Variants in KAZN observed in about 807,000 individuals in gnomAD.
KAZN encodes the protein kazrin.
A neutral mutation model predicts 87.4 loss-of-function variants in KAZN; 40 were observed. The observed-to-expected ratio is 0.46, with a 90% CI of 0.36 to 0.60. KAZN has a LOEUF of 0.60. KAZN is among the 20% of genes least tolerant of loss of function. The pLI, the probability that KAZN is intolerant of heterozygous loss-of-function variation, is 0.00. For synonymous variants in KAZN, 466 were observed against 458.3 expected, an observed-to-expected ratio of 1.02 and a Z score of -0.22; for missense variants, 898 against 1,073.9, an observed-to-expected ratio of 0.84 and a Z score of 2.29.
chr1:14,632,144 A>G (rs958648658), intron 1 of KAZN, among the ~76,000 whole-genome samples: 12 of 152,188 alleles, frequency 7.9e-5, no homozygotes, highest in African/African-American at 1.2e-4. Flanking sequence ...CTTATCGTGT[A>G]CAGGTACACC....
chr1:14,528,897 C>A lies in KAZN; in HGVS notation c.250-70086C>A, dbSNP rs542789696. 3.7e-4 allele frequency among the ~76,000 whole-genome samples: 56 copies of A among 152,264 alleles called. 3 individuals are homozygous for A. Among genetic ancestry groups the A allele is most frequent in the Admixed American group, 3.3e-3 (50 of 15,292 alleles). On this transcript the variant is annotated intron_variant, in intron 2 of 16. Transcript: ENST00000636203. ...CTCCACTTTATTCATGTCCCTCTCG[C>A]AGCCTCATTCCACGTGCAAAACAGG...
At chr1:14,344,956 T>C (rs1490302878) in intron 2 of KAZN, among the ~76,000 whole-genome samples, 1 of 150,276 alleles carries the variant, frequency 6.7e-6, no homozygotes, top group East Asian at 2.0e-4. Context: ...ACTGGTTCTG[T>C]CGCCCAGGCT....
intron 1 of KAZN, among the ~76,000 whole-genome samples, chr1:14,689,224 C>T (rs1363423605): frequency 6.6e-6 from 1 of 151,806 alleles, no homozygotes; most frequent in African/African-American, 2.4e-5. Flanking sequence ...CAAAACAAAA[C>T]AAAACAAAAC....
intron 1 of KAZN, among the ~76,000 whole-genome samples, chr1:14,128,463 GA>G (rs930191752): frequency 4.6e-5 from 7 of 152,124 alleles, no homozygotes; most frequent in African/African-American, 1.4e-4. Flanking sequence ...GACACTTGCA[GA>G]GGGGTGGTTG....
intron 8 of KAZN, among the ~76,000 whole-genome samples, chr1:15,079,500 T>C (rs1639900522): frequency 6.6e-6 from 1 of 152,092 alleles, no homozygotes; most frequent in South Asian, 2.1e-4. Flanking sequence ...TACTAAACAA[T>C]GTGAAAGTGG....
chr1:13,943,773 C>A (rs1223119829), intron 1 of KAZN, among the ~76,000 whole-genome samples: 3 of 151,922 alleles, frequency 2.0e-5, no homozygotes, highest in African/African-American at 4.8e-5. Context: ...GGCTAATAAG[C>A]CCATGAAAAG....
At chr1:14,963,472 G>A (rs562575608) in intron 2 of KAZN, among the ~76,000 whole-genome samples, 2 of 152,144 alleles carry the variant, frequency 1.3e-5, no homozygotes, top group Non-Finnish European at 2.9e-5. Context: ...GGGTATGGTC[G>A]CAGGGAAGGA....
chr1:14,956,841 T>C (rs1157732231), intron 1 of KAZN, among the ~76,000 whole-genome samples: 2 of 152,080 alleles, frequency 1.3e-5, no homozygotes, highest in African/African-American at 4.8e-5. Context: ...GAGGGGTGGT[T>C]GGGGCTGAGG....
intron 2 of KAZN, among the ~76,000 whole-genome samples, chr1:15,029,656 G>T (rs761392098): frequency 6.6e-6 from 1 of 152,196 alleles, no homozygotes; most frequent in Non-Finnish European, 1.5e-5. Context: ...TGAGGTGCTG[G>T]GGGGGTTCCC....
rs192618895 is a variant in KAZN, at chr1:14,064,217, C to G, written c.92-116218C>G. On this transcript the variant is annotated intron_variant, in intron 1 of 16. Transcript: ENST00000636203. ...AGAGTGTCTTCAACTACATGCTGCC[C>G]TTGTGTTTACATTGCCAGAAGAGAG... Among the ~76,000 whole-genome samples the G allele has an allele frequency of 3.0e-4, 45 of 152,292 alleles. No individual in the cohort carries two copies. In the East Asian group the frequency reaches 8.7e-3, roughly 29 times the overall value.
At chr1:14,515,072 GTTC>G (rs1446270367) in intron 2 of KAZN, among the ~76,000 whole-genome samples, 3 of 151,976 alleles carry the variant, frequency 2.0e-5, no homozygotes, top group East Asian at 3.9e-4. Flanking sequence ...CATGTACCCA[GTTC>G]TTCTAGAATG....
At chr1:14,881,224 G>A (rs554539558) in intron 1 of KAZN, among the ~76,000 whole-genome samples, 2 of 152,350 alleles carry the variant, frequency 1.3e-5, no homozygotes, top group African/African-American at 4.8e-5. Context: ...ATTCTCGCAT[G>A]ATAAGCAGGG....
chr1:14,181,308 G>T (rs10803474), intron 2 of KAZN, among the ~76,000 whole-genome samples: 50,546 of 151,946 alleles, frequency 0.33, 8,886 homozygotes, highest in East Asian at 0.62. Context: ...TGTTCTGTGG[G>T]TTTGGTGATT....
chr1:14,728,907 A>T (rs1643546666), intron 1 of KAZN, among the ~76,000 whole-genome samples: 2 of 152,176 alleles, frequency 1.3e-5, no homozygotes, highest in South Asian at 4.1e-4. Flanking sequence ...CCTCCGTTTA[A>T]ACACTCCATA....
intron 8 of KAZN, among the ~76,000 whole-genome samples, chr1:15,076,642 A>G (rs1051253364): frequency 5.3e-5 from 8 of 152,208 alleles, no homozygotes; most frequent in African/African-American, 1.9e-4. Flanking sequence ...CTCTGCACAC[A>G]ATTGATTGGC....
intron 2 of KAZN, among the ~76,000 whole-genome samples, chr1:14,361,856 A>G (rs887792705): frequency 2.0e-5 from 3 of 152,208 alleles, no homozygotes; most frequent in Non-Finnish European, 4.4e-5. Flanking sequence ...TTTACCCGTG[A>G]TTACTGTTTT....
chr1:14,643,724 T>A (rs143104181), intron 1 of KAZN, among the ~76,000 whole-genome samples: 9 of 152,306 alleles, frequency 5.9e-5, no homozygotes, highest in African/African-American at 1.9e-4. Flanking sequence ...TACTTTTAGC[T>A]CTCTGAGGAA....
At position 13,897,781 on chromosome 1, in the gene KAZN, G is replaced by A. The variant is rs191151928; in HGVS notation, c.91+4025G>A. ...GGTTTTAAAAAATGTGTCTTGTCTC[G>A]CTCAAGGATTTGGAGGAGAGAGCAG... On this transcript the variant is annotated intron_variant, in intron 1 of 16. Coordinates refer to the KAZN transcript ENST00000636203. Among the ~76,000 whole-genome samples, 52 of 152,322 alleles carry A rather than the reference G, an allele frequency of 3.4e-4. 1 individual carries two copies. The South Asian group carries it at 4.6e-3, about 13-fold the overall frequency.
At chr1:14,627,557 C>A (rs549393713) in intron 1 of KAZN, among the ~76,000 whole-genome samples, 1 of 152,178 alleles carries the variant, frequency 6.6e-6, no homozygotes, top group Non-Finnish European at 1.5e-5. Context: ...CTTCCTGCTG[C>A]GCTGTAAGCT....
Sources: gnomAD v4.1 joint callset for allele counts (sites outside exome capture counted in the v4.1 genomes callset) on GRCh38, gnomAD v4.1.1 for gene constraint, MANE v1.5 for transcripts, NCBI Gene and HGNC (gene_info 2026-07-23, HGNC 2026-07-21) for gene names.